The following DISC1 variants were observed in gnomAD, a reference collection of about 807,000 sequenced individuals.
DISC1 encodes the protein disrupted in schizophrenia 1 protein.
Under a neutral mutation model 84.5 loss-of-function variants are expected in DISC1, and 57 were observed. That is an observed-to-expected ratio of 0.67 (90% confidence interval 0.55 to 0.84). The LOEUF is 0.84. Ranked by LOEUF, DISC1 falls within the 40% of genes least tolerant of loss-of-function variation. The pLI, the probability that DISC1 is intolerant of heterozygous loss-of-function variation, is 0.00. For missense variants in DISC1, 1,000 were observed against 1,057.8 expected, an observed-to-expected ratio of 0.95 and a Z score of 0.76; for synonymous variants, 411 against 415.2, an observed-to-expected ratio of 0.99 and a Z score of 0.12.
At chr1:231,915,349 A>G (rs1477041286) in intron 9 of DISC1, among the ~76,000 whole-genome samples, 1 of 152,234 alleles carries the variant, frequency 6.6e-6, no homozygotes, top group African/African-American at 2.4e-5. Context: ...GGGACAAAGC[A>G]TAAGGGACAT....
chr1:231,991,435 C>A (rs1665184845), intron 10 of DISC1, among the ~76,000 whole-genome samples: 2 of 152,178 alleles, frequency 1.3e-5, no homozygotes, highest in Admixed American at 6.5e-5. Context: ...TTTAAAATTC[C>A]TTGGCTGCCC....
intron 3 of DISC1, among the ~76,000 whole-genome samples, chr1:231,734,028 G>A (rs1310773217): frequency 6.6e-6 from 1 of 151,896 alleles, no homozygotes; most frequent in African/African-American, 2.4e-5. Flanking sequence ...GGTGGTGTTG[G>A]TGATGGTGGG....
rs564694287 is a variant in DISC1 at position 231,846,501 on chromosome 1, T to G, written c.1981+27984T>G. 2.6e-5 allele frequency among the ~76,000 whole-genome samples: 4 copies of G among 152,322 alleles called. No homozygotes were observed. The South Asian group carries it at 8.3e-4, about 32-fold the overall frequency. ...CTCTGTCCTAGCTTTTCAGCGACCT[T>G]TTCAAAAGGAACAGAAAATCGTCGC... On this transcript the variant is annotated intron_variant, in intron 9 of 12. Transcript: ENST00000439617.
At chr1:231,898,901 C>T (rs1490633473) in intron 9 of DISC1, among the ~76,000 whole-genome samples, 2 of 151,880 alleles carry the variant, frequency 1.3e-5, no homozygotes, top group Admixed American at 6.6e-5. Context: ...CAAGTGCACT[C>T]CAGCCTGGGT....
At position 232,040,795 on chromosome 1, in the gene DISC1, G is replaced by A. The variant is rs572453705; in HGVS notation, c.*3964G>A. The A allele has an allele frequency of 6.6e-6, 1 of 152,268 alleles. No homozygotes were observed. The highest frequency in any genetic ancestry group is 1.5e-5 in the Non-Finnish European group (1 of 68,022). 9.4% of individuals were successfully genotyped at this position (152,268 alleles called of 1,614,324 possible). On this transcript the variant is annotated 3_prime_UTR_variant, in exon 13 of 13. Coordinates refer to ENST00000439617, the MANE Select transcript of DISC1 (RefSeq NM_018662.3). ...AGCCTCACTGTGAAGTCTAGGCTCA[G>A]ACAGGCATCAACAAACCTATTCACC...
chr1:232,019,729 A>T (rs1410036858), intron 11 of DISC1, among the ~76,000 whole-genome samples: 1 of 152,060 alleles, frequency 6.6e-6, no homozygotes, highest in Non-Finnish European at 1.5e-5. Flanking sequence ...TCATGTTCTT[A>T]TTTGGAAAGG....
intron 1 of DISC1, among the ~76,000 whole-genome samples, chr1:231,641,949 G>A (rs1342350477): frequency 6.6e-6 from 1 of 152,234 alleles, no homozygotes; most frequent in Non-Finnish European, 1.5e-5. Flanking sequence ...CCGTGTGCCT[G>A]CACTCCTCAG....
intron 1 of DISC1, among the ~76,000 whole-genome samples, chr1:231,681,667 A>G (rs1461486978): frequency 3.9e-5 from 6 of 152,134 alleles, no homozygotes; most frequent in Non-Finnish European, 8.8e-5. Context: ...AATTGACAAC[A>G]GATAGATTAA....
At position 231,751,756 on chromosome 1, in the gene DISC1, G is replaced by C. The variant is rs1034452614; in HGVS notation, c.1268+1680G>C. On this transcript the variant is annotated intron_variant, in intron 4 of 12. Coordinates refer to ENST00000439617, the MANE Select transcript of DISC1 (RefSeq NM_018662.3). ...TCTTTTGTGACTGACATTTCTCATA[G>C]TATAGTGTCTTCAATGTTCATCCAT... is the stretch of plus-strand genomic sequence containing the variant. Among the ~76,000 whole-genome samples the C allele has an allele frequency of 2.0e-5, 3 of 152,286 alleles. No individual in the cohort carries two copies. In the South Asian group the frequency reaches 6.2e-4, roughly 32 times the overall value.
At chr1:231,670,201 G>A (rs937615141) in intron 1 of DISC1, among the ~76,000 whole-genome samples, 1 of 152,132 alleles carries the variant, frequency 6.6e-6, no homozygotes. Flanking sequence ...GCACACTAGG[G>A]CCTATTGAAG....
chr1:231,780,795 T>A (rs1305860147), intron 6 of DISC1, among the ~76,000 whole-genome samples: 2 of 92,060 alleles, frequency 2.2e-5, no homozygotes, highest in African/African-American at 4.3e-5. Context: ...ATTAAGAAAA[T>A]GTGGCACATA....
At chr1:231,825,357 G>A (rs1219355252) in intron 9 of DISC1, among the ~76,000 whole-genome samples, 1 of 152,160 alleles carries the variant, frequency 6.6e-6, no homozygotes, top group Non-Finnish European at 1.5e-5. Flanking sequence ...GTGGGTACAT[G>A]TGTCTCTTAA....
chr1:231,923,887 G>A (rs1443267169), intron 9 of DISC1, among the ~76,000 whole-genome samples: 1 of 152,154 alleles, frequency 6.6e-6, no homozygotes, highest in Non-Finnish European at 1.5e-5. Flanking sequence ...TCGTTTTTGG[G>A]CCAGAGAATT....
At chr1:231,720,527 A>G (rs2069517811) in intron 3 of DISC1, among the ~76,000 whole-genome samples, 1 of 151,976 alleles carries the variant, frequency 6.6e-6, no homozygotes, top group African/African-American at 2.4e-5. Flanking sequence ...TTTTATAAAG[A>G]CGGGGTCTCA....
chr1:231,845,954 G>A (rs2083421576), intron 9 of DISC1, among the ~76,000 whole-genome samples: 1 of 152,122 alleles, frequency 6.6e-6, no homozygotes, highest in Non-Finnish European at 1.5e-5. Context: ...GCAGGGCTCG[G>A]GGTGGGGAGG....
chr1:231,773,659 C>T (rs553631842), intron 6 of DISC1, among the ~76,000 whole-genome samples: 1 of 152,278 alleles, frequency 6.6e-6, no homozygotes, highest in African/African-American at 2.4e-5. Flanking sequence ...GCTGAGATTA[C>T]AGGCGTGAGC....
rs1273938856 is a variant in DISC1 at position 232,031,348 on chromosome 1, A to G, written c.2425+4796A>G. 7.0e-6 allele frequency among the ~76,000 whole-genome samples: 1 copy of G among 142,266 alleles called. No individual in the cohort carries two copies. Among genetic ancestry groups the G allele is most frequent in the Non-Finnish European group, 1.6e-5 (1 of 63,452 alleles). The allele number at this position is 142,266 out of a possible 152,430, so 93.3% of individuals were successfully genotyped here. On this transcript the variant is annotated intron_variant, in intron 12 of 12. Coordinates refer to ENST00000439617, the MANE Select transcript of DISC1 (RefSeq NM_018662.3). The surrounding 1 kb of genome is among the most constrained non-coding windows in gnomAD (Gnocchi z 4.6). ...AAGGAAAGGAAAAGGAAAAGAGGAA[A>G]GAAAAGGAAAGGGAAGGGAGAGGGA...
At chr1:231,717,173 G>C (rs1396145115) in intron 3 of DISC1, among the ~76,000 whole-genome samples, 2 of 152,108 alleles carry the variant, frequency 1.3e-5, no homozygotes, top group Non-Finnish European at 2.9e-5. Context: ...TTTGGGAGAT[G>C]AATTGTGGCC....
At chr1:231,753,604 G>A (rs1441916183) in intron 4 of DISC1, among the ~76,000 whole-genome samples, 2 of 152,200 alleles carry the variant, frequency 1.3e-5, no homozygotes, top group Non-Finnish European at 2.9e-5. Context: ...TTTCCCCATT[G>A]TCTTGGCTAT....
Sources: allele counts gnomAD v4.1 joint callset (sites outside exome capture counted in the v4.1 genomes callset), GRCh38; gene constraint gnomAD v4.1.1; non-coding constraint Gnocchi (gnomAD v3.1); transcripts MANE v1.5; gene names NCBI Gene and HGNC (gene_info 2026-07-23, HGNC 2026-07-21).